The following RNF212 variants were observed in gnomAD, a reference collection of about 807,000 sequenced individuals.
RNF212 encodes probable E3 SUMO-protein ligase RNF212.
A neutral mutation model predicts 34.7 loss-of-function variants in RNF212; 33 were observed. The ratio of observed to expected loss-of-function variants is 0.95; its 90% CI spans 0.72 to 1.27. The LOEUF (loss-of-function observed/expected upper bound fraction) is 1.27. Ranked by LOEUF, RNF212 falls within the 50% of genes most tolerant of loss-of-function variation. The probability of loss-of-function intolerance (pLI) is 0.00; values close to 1 mark genes in which losing one functional copy is unlikely to be tolerated. For missense variants in RNF212, 377 were observed against 362.2 expected (o/e 1.04, Z -0.33); for synonymous variants, 140 against 136.1 (o/e 1.03, Z -0.20).
chr4:1,061,507 C>T (rs941510787), intron 3 of RNF212, among the ~76,000 whole-genome samples: 1 of 152,198 alleles, frequency 6.6e-6, no homozygotes, highest in African/African-American at 2.4e-5. Context: ...CAGGCCTGTG[C>T]AGGGGGATCC....
At chr4:1,094,263 C>T (rs1471171939) in intron 3 of RNF212, among the ~76,000 whole-genome samples, 1 of 152,136 alleles carries the variant, frequency 6.6e-6, no homozygotes, top group East Asian at 1.9e-4. Flanking sequence ...AGGGCGGGGG[C>T]CAGGGGAAGG....
At chr4:1,099,838 G>A (rs777525654) in intron 2 of RNF212, 6 of 456,148 alleles carry the variant, frequency 1.3e-5, no homozygotes, top group Non-Finnish European at 2.2e-5. Context: ...AGCGGACACG[G>A]GTACCCCTGT....
chr4:1,096,942 T>C lies in RNF212; in HGVS notation c.172-103A>G, dbSNP rs893130926. ...AGACCTAGAATTAGCTATAGATGAC[T>C]CAAGTGGCCAGCACATTGTGAATGG... On this transcript the variant is annotated intron_variant, in intron 2 of 9. Coordinates refer to ENST00000433731, the MANE Select transcript of RNF212 (RefSeq NM_001131034.4). 5.8e-6 allele frequency: 5 copies of C among 862,990 alleles called. No homozygotes were observed. In the African/African-American group the frequency reaches 6.5e-5, roughly 11 times the overall value. 53.5% of individuals were successfully genotyped at this position (862,990 alleles called of 1,614,324 possible).
chr4:1,101,621 C>T lies in RNF212; in HGVS notation c.172-4782G>A, dbSNP rs117097045. 8.9e-4 allele frequency: 170 copies of T among 192,076 alleles called. 2 individuals carry two copies. The East Asian group carries it at 0.02, about 23-fold the overall frequency. The allele number at this position is 192,076 out of a possible 1,614,324, so 11.9% of individuals were successfully genotyped here. ...AGAAAAATTAAAATTCCACACCACT[C>T]GTGACATCATCTGCTACATCGTCAT... On this transcript the variant is annotated intron_variant, in intron 2 of 9. Transcript: ENST00000433731.
chr4:1,093,998 C>T (rs760249642), intron 3 of RNF212: 37 of 1,534,898 alleles, frequency 2.4e-5, no homozygotes, highest in Non-Finnish European at 3.1e-5. Flanking sequence ...GCAACAGCCT[C>T]GGGAAAGCCT....
chr4:1,092,515 T>TG (rs200537629), intron 3 of RNF212, among the ~76,000 whole-genome samples: 10 of 142,750 alleles, frequency 7.0e-5, no homozygotes, highest in Non-Finnish European at 1.3e-4. Context: ...TTGTCTGGCC[T>TG]GGCTCTGACC....
chr4:1,091,636 C>T (rs1417593625), intron 3 of RNF212, among the ~76,000 whole-genome samples: 2 of 152,160 alleles, frequency 1.3e-5, no homozygotes, highest in Non-Finnish European at 2.9e-5. Flanking sequence ...GCTCACTGGC[C>T]CGGTGCAAAC....
chr4:1,094,627 A>G (rs977682539), intron 3 of RNF212, among the ~76,000 whole-genome samples: 6 of 151,998 alleles, frequency 3.9e-5, no homozygotes, highest in Non-Finnish European at 7.4e-5. Context: ...CAGCTGCCAG[A>G]AGGGGGGCCC....
rs76172097 is a variant in RNF212, at chr4:1,061,313, G to C, written n.148-2920C>G. On this transcript the variant is annotated intron_variant and non_coding_transcript_variant, in intron 3 of 4. Coordinates refer to the RNF212 transcript ENST00000503206. ...TTGCTTCCAGAGGGGGTGGGCTCAA[G>C]GTGGGAGGGGAACGCTTTCATCAGC... Among the ~76,000 whole-genome samples the C allele has an allele frequency of 7.5e-3, 1,138 of 152,290 alleles. 13 individuals are homozygous for C. Among genetic ancestry groups the C allele is most frequent in the African/African-American group, 0.026 (1,082 of 41,546 alleles).
chr4:1,095,166 C>A (rs1250602568), intron 3 of RNF212, among the ~76,000 whole-genome samples: 1 of 126,044 alleles, frequency 7.9e-6, no homozygotes, highest in Non-Finnish European at 1.6e-5. Flanking sequence ...CCCCCCACAG[C>A]TCCATGGTCT....
In RNF212 at chr4:1,093,641, G is replaced by A. The variant is rs1235004211; in HGVS notation, c.247-2803C>T. On this transcript the variant is annotated intron_variant, in intron 3 of 9. Coordinates refer to ENST00000433731, the MANE Select transcript of RNF212 (RefSeq NM_001131034.4). Reference sequence around the variant, plus strand: ...CTGCTGGGTCTTCTCTCCTGAGACAGCACCTGGCCTCTGCAGCACTTGGCA... The same window carrying A: ...CTGCTGGGTCTTCTCTCCTGAGACAACACCTGGCCTCTGCAGCACTTGGCA... 2.6e-6 allele frequency: 4 copies of A among 1,535,920 alleles called. No homozygotes were observed. In the Admixed American group the frequency reaches 7.8e-5, roughly 30 times the overall value.
At chr4:1,093,533 G>C in intron 3 of RNF212, 1 of 1,510,222 alleles carries the variant, frequency 6.6e-7, no homozygotes, top group Middle Eastern at 1.7e-4. Flanking sequence ...ACTGGGCAGA[G>C]CCTGTGACCT....
intron 2 of RNF212, among the ~76,000 whole-genome samples, chr4:1,102,864 G>A (rs908915857): frequency 2.4e-4 from 34 of 143,254 alleles, no homozygotes; most frequent in Admixed American, 9.9e-4. Context: ...AAAAAAGGCC[G>A]GGCACGGTGG....
intron 5 of RNF212, 167 bp from the exon 6 acceptor site, chr4:1,081,786 G>A (rs1290737257): frequency 3.6e-5 from 22 of 607,696 alleles, no homozygotes; most frequent in Admixed American, 5.4e-5. Context: ...CCTGTGAGTC[G>A]CACGGCCCTG....
chr4:1,058,166 T>G (rs1717460511), intron 4 of RNF212, among the ~76,000 whole-genome samples: 1 of 150,696 alleles, frequency 6.6e-6, no homozygotes, highest in East Asian at 1.9e-4. Context: ...TAGCACTAAT[T>G]CTCTCTGGTG....
rs76337818 is a variant in RNF212 at position 1,062,417 on chromosome 4, A to G, written n.148-4024T>C. Among the ~76,000 whole-genome samples the G allele has an allele frequency of 2.1e-3, 319 of 152,320 alleles. 6 individuals carry two copies. In the East Asian group the frequency reaches 0.042, roughly 20 times the overall value. ...CATGGTAACAGAACAAAACCCAATA[A>G]TCATCTCAAAAGAGAAAGAGAAAGC... is the stretch of plus-strand genomic sequence containing the variant. On this transcript the variant is annotated intron_variant and non_coding_transcript_variant, in intron 3 of 4. Transcript: ENST00000503206.
chr4:1,089,690 G>T (rs534140813), intron 4 of RNF212, among the ~76,000 whole-genome samples: 1 of 148,352 alleles, frequency 6.7e-6, no homozygotes, highest in African/African-American at 2.6e-5. Flanking sequence ...GGAGGGATCC[G>T]GTGGGAAGTG....
Position 1,106,249 on chromosome 4 carries a change from T to TACACAC in RNF212, c.171+2088_171+2093dup, listed in dbSNP as rs35166968. 5.2e-3 allele frequency among the ~76,000 whole-genome samples: 766 copies of TACACAC among 146,040 alleles called. 5 individuals carry two copies. Among genetic ancestry groups the TACACAC allele is most frequent in the East Asian group, 0.017 (83 of 4,916 alleles). On this transcript the variant is annotated intron_variant, in intron 2 of 9. Transcript: ENST00000433731. ...CTTCTACATGTTAAACAATTTTACT[T>TACACAC]ACACACACACACACACACACACACA...
chr4:1,075,810 A>G (rs1485017303), intron 8 of RNF212, among the ~76,000 whole-genome samples: 3 of 152,080 alleles, frequency 2.0e-5, no homozygotes, highest in African/African-American at 7.2e-5. Context: ...AGCTGGGACT[A>G]CAGGTGTGCA....
Sources: gnomAD v4.1 joint callset for allele counts (sites outside exome capture counted in the v4.1 genomes callset) on GRCh38, gnomAD v4.1.1 for gene constraint, MANE v1.5 for transcripts, NCBI Gene and HGNC (gene_info 2026-07-23, HGNC 2026-07-21) for gene names.